TAMM41: variants seen among roughly 807,000 people sequenced by gnomAD.
The protein encoded by TAMM41 is TAM41 mitochondrial translocator assembly and maintenance homolog, also known as phosphatidate cytidylyltransferase, mitochondrial.
Under a neutral mutation model 44.1 loss-of-function variants are expected in TAMM41, and 36 were observed. That is an observed-to-expected ratio of 0.82 (90% CI 0.63 to 1.08). The LOEUF is 1.08. Among genes scored for constraint, TAMM41 ranks in the 50% least tolerant of loss-of-function variants. The probability of loss-of-function intolerance (pLI) is 0.00; values close to 1 mark genes in which losing one functional copy is unlikely to be tolerated. For synonymous variants in TAMM41, 164 were observed against 153.1 expected (o/e 1.07, Z -0.53); for missense variants, 417 against 404.3 (o/e 1.03, Z -0.27).
chr3:11,726,237 T>C, the TAMM41 span, among the ~76,000 whole-genome samples: 8 of 152,248 alleles, frequency 5.3e-5, no homozygotes, highest in African/African-American at 1.9e-4. Flanking sequence ...CTCCGACTTG[T>C]TCCACAAAAA....
At chr3:11,813,697 C>T (rs2078163374) in intron 5 of TAMM41, among the ~76,000 whole-genome samples, 1 of 151,812 alleles carries the variant, frequency 6.6e-6, no homozygotes, top group Admixed American at 6.6e-5. Flanking sequence ...GCCTGTAATC[C>T]CAGTACTTTG....
At chr3:11,747,642 G>A in the TAMM41 span, among the ~76,000 whole-genome samples, 1 of 151,098 alleles carries the variant, frequency 6.6e-6, no homozygotes, top group Non-Finnish European at 1.5e-5. Flanking sequence ...GGTGGTGTGC[G>A]CCTGTAGTCC....
the TAMM41 span, among the ~76,000 whole-genome samples, chr3:11,735,800 C>T: frequency 6.6e-6 from 1 of 152,020 alleles, no homozygotes; most frequent in Non-Finnish European, 1.5e-5. Context: ...GAGCAAAGCA[C>T]GTGTATATAA....
chr3:11,819,131 T>C (rs192590561), intron 4 of TAMM41, among the ~76,000 whole-genome samples: 18 of 152,328 alleles, frequency 1.2e-4, no homozygotes, highest in African/African-American at 4.1e-4. Context: ...CATATTGCTG[T>C]TGACTGCATA....
rs1455562804 is a variant in TAMM41 at position 11,846,482 on chromosome 3, G to A, written c.135+20C>T. 11 of 1,613,980 alleles carry A rather than the reference G, an allele frequency of 6.8e-6. No individual in the cohort carries two copies. The highest frequency in any genetic ancestry group is 1.1e-5 in the South Asian group (1 of 91,062). ...TCGTGAGAACAGACAGTTCCCCGTCGTGGGGCTGCCCGGGCTCACCTTCTG... is the reference window on the plus strand; with the variant it reads ...TCGTGAGAACAGACAGTTCCCCGTCATGGGGCTGCCCGGGCTCACCTTCTG... On this transcript the variant is annotated intron_variant, in intron 1 of 7. Coordinates refer to ENST00000455809, the MANE Select transcript of TAMM41 (RefSeq NM_001284401.2).
chr3:11,745,403 A>G, the TAMM41 span, among the ~76,000 whole-genome samples: 1 of 152,246 alleles, frequency 6.6e-6, no homozygotes, highest in Non-Finnish European at 1.5e-5. Flanking sequence ...ATTATTCACA[A>G]TAGCCAAAAG....
At chr3:11,833,275 G>C (rs2079056285) in intron 3 of TAMM41, 4 of 712,012 alleles carry the variant, frequency 5.6e-6, no homozygotes, top group Non-Finnish European at 7.2e-6. Flanking sequence ...TTACTGTAGA[G>C]AAAGGGGCAT....
In TAMM41 at chr3:11,817,264, A is replaced by C; in HGVS notation, c.636T>G (p.Phe212Leu). The change falls in exon 5 of 8, where the codon TTT becomes TTG. Residue 212 changes from phenylalanine to leucine, a missense_variant. Phe to Leu is a conservative substitution (Grantham distance 22). Transcript: ENST00000455809. ...GTAGTATGCTGCCATAGAGCTCTCG[A>C]AAGTGGGCTATATTGGGCTTCACAA... is the stretch of plus-strand genomic sequence containing the variant. The part of the protein sequence containing the change: ...LNIVKPNIAH[F>L]RELYGSILQE... 6.2e-7 allele frequency: 1 copy of C among 1,613,748 alleles called. No individual in the cohort carries two copies. The highest frequency in any genetic ancestry group is 2.2e-5 in the East Asian group (1 of 44,876).
At chr3:11,830,866 G>A (rs1480285159) in intron 3 of TAMM41, 1 of 128,622 alleles carries the variant, frequency 7.8e-6, no homozygotes, top group Non-Finnish European at 1.6e-5. Flanking sequence ...GAAAGACACA[G>A]TTGAGACCCT....
chr3:11,781,858 G>A, the TAMM41 span, among the ~76,000 whole-genome samples: 3 of 152,090 alleles, frequency 2.0e-5, no homozygotes, highest in East Asian at 5.8e-4. Context: ...AGCCTGCCTG[G>A]GTTGACTCAT....
At chr3:11,804,928 G>A (rs1358033349) in intron 7 of TAMM41, among the ~76,000 whole-genome samples, 2 of 147,166 alleles carry the variant, frequency 1.4e-5, no homozygotes, top group African/African-American at 2.5e-5. Context: ...GCAGTGGTGC[G>A]TTCTTAGCTC....
At chr3:11,760,601 C>T in the TAMM41 span, among the ~76,000 whole-genome samples, 1 of 151,122 alleles carries the variant, frequency 6.6e-6, no homozygotes, top group Non-Finnish European at 1.5e-5. Flanking sequence ...TGCTCTGTTG[C>T]CCAGGCTGGA....
chr3:11,756,021 C>T, the TAMM41 span, among the ~76,000 whole-genome samples: 9 of 152,108 alleles, frequency 5.9e-5, no homozygotes. Flanking sequence ...ATTAGAATTC[C>T]AGCTTTCCTC....
At chr3:11,796,962 G>A (rs1166300182) in intron 7 of TAMM41, among the ~76,000 whole-genome samples, 2 of 152,110 alleles carry the variant, frequency 1.3e-5, no homozygotes, top group Non-Finnish European at 2.9e-5. Context: ...TCTCTACAAG[G>A]AGAACTACAA....
chr3:11,803,379 T>G (rs2077810267), intron 7 of TAMM41, among the ~76,000 whole-genome samples: 1 of 151,962 alleles, frequency 6.6e-6, no homozygotes, highest in South Asian at 2.1e-4. Context: ...GTGAGGCAGT[T>G]GCTCTGTCTC....
At chr3:11,748,163 C>G in the TAMM41 span, among the ~76,000 whole-genome samples, 5 of 152,104 alleles carry the variant, frequency 3.3e-5, no homozygotes, top group Non-Finnish European at 5.9e-5. Context: ...GCGGGAGCCA[C>G]CACGCCCAGC....
chr3:11,784,669 A>C, the TAMM41 span, among the ~76,000 whole-genome samples: 1 of 152,184 alleles, frequency 6.6e-6, no homozygotes, highest in African/African-American at 2.4e-5. Flanking sequence ...TAGTTTCTAA[A>C]TTATACAAAA....
At chr3:11,754,071 C>A in the TAMM41 span, among the ~76,000 whole-genome samples, 10 of 152,304 alleles carry the variant, frequency 6.6e-5, no homozygotes, top group African/African-American at 2.4e-4. Context: ...CAGCTCCTCT[C>A]ATTCTACCTG....
At chr3:11,839,173 G>T (rs1268143873) in intron 3 of TAMM41, 49 bp downstream of exon 3, 1 of 1,199,912 alleles carries the variant, frequency 8.3e-7, no homozygotes, top group African/African-American at 1.5e-5. Flanking sequence ...GTAAGGTTAG[G>T]CTCAGAGAGG....
Sources: allele counts gnomAD v4.1 joint callset (sites outside exome capture counted in the v4.1 genomes callset), GRCh38; gene constraint gnomAD v4.1.1; transcripts MANE v1.5; gene names NCBI Gene and HGNC (gene_info 2026-07-23, HGNC 2026-07-21).